The following ROBO2 variants were observed in gnomAD, a reference collection of about 807,000 sequenced individuals.
ROBO2 encodes the protein roundabout homolog 2.
In ROBO2, 53 loss-of-function variants were observed where a neutral mutation model predicts 160.8. The observed-to-expected ratio is 0.33, with a 90% CI of 0.26 to 0.41. The LOEUF (loss-of-function observed/expected upper bound fraction) is 0.41, where lower values mean the gene tolerates loss of function less well. ROBO2 is among the 10% of genes least tolerant of loss of function. The pLI is 1.00. For synonymous variants in ROBO2, 664 were observed against 611.7 expected, an observed-to-expected ratio of 1.09 and a Z score of -1.26; for missense variants, 1,577 against 1,722.4, an observed-to-expected ratio of 0.92 and a Z score of 1.49.
chr3:76,401,728 C>T (rs1396529250), intron 2 of ROBO2, among the ~76,000 whole-genome samples: 1 of 150,920 alleles, frequency 6.6e-6, no homozygotes, highest in African/African-American at 2.4e-5. Context: ...CAAACCTTTA[C>T]TCTGACAAGA....
intron 2 of ROBO2, among the ~76,000 whole-genome samples, chr3:76,836,474 TG>T (rs1374477886): frequency 3.3e-5 from 5 of 151,274 alleles, no homozygotes; most frequent in East Asian, 1.9e-4. Flanking sequence ...AAAAAGACTT[TG>T]GGGGGGCAGG....
chr3:76,612,714 A>T (rs1250627815), intron 2 of ROBO2, among the ~76,000 whole-genome samples: 1 of 152,194 alleles, frequency 6.6e-6, no homozygotes, highest in African/African-American at 2.4e-5. Context: ...AAGTAAAATT[A>T]AAAATAATAA....
At chr3:77,559,373 C>G (rs1480995343) in intron 9 of ROBO2, among the ~76,000 whole-genome samples, 1 of 152,132 alleles carries the variant, frequency 6.6e-6, no homozygotes, top group Admixed American at 6.6e-5. Context: ...ATGGTAAGTC[C>G]CTTCCTCCTA....
chr3:76,032,771 C>T lies in ROBO2; in HGVS notation c.109+95169C>T, dbSNP rs1028061923. Among the ~76,000 whole-genome samples the T allele has an allele frequency of 1.5e-4, 23 of 151,976 alleles. 1 individual carries two copies. Among genetic ancestry groups the T allele is most frequent in the Non-Finnish European group, 7.4e-5 (5 of 67,942 alleles). On this transcript the variant is annotated intron_variant, in intron 2 of 26. Transcript: ENST00000487694. ...TTACATTTGCTGAGGAGTAGTAGCA[C>T]TTCTTACATTTCTAATGTAAAAACT... is the stretch of plus-strand genomic sequence containing the variant.
At chr3:77,219,489 G>GTGTATATATATATATATAATCTGTATATA in intron 2 of ROBO2, among the ~76,000 whole-genome samples, 1 of 111,474 alleles carries the variant, frequency 9.0e-6, no homozygotes, top group African/African-American at 3.2e-5. Context: ...TATATAATCT[G>GTGTATATATATATATATAATCTGTATATA]TATATATATA....
At chr3:76,322,304 TTAC>T (rs538198711) in intron 2 of ROBO2, among the ~76,000 whole-genome samples, 270 of 151,258 alleles carry the variant, frequency 1.8e-3, no homozygotes, top group African/African-American at 6.0e-3. Flanking sequence ...TCTTTTATAA[TTAC>T]TACATTTCAC....
rs1046256188 is a variant in ROBO2 at position 76,465,343 on chromosome 3, A to G, written c.109+527741A>G. Reference sequence around the variant, plus strand: ...ATTTTATTATTTGACCAATTATAGAAGAAATATTGTAAATATGAAAAAATA... The same window carrying G: ...ATTTTATTATTTGACCAATTATAGAGGAAATATTGTAAATATGAAAAAATA... On this transcript the variant is annotated intron_variant, in intron 2 of 26. Coordinates refer to the ROBO2 transcript ENST00000487694. 5.3e-5 allele frequency among the ~76,000 whole-genome samples: 8 copies of G among 152,116 alleles called. 1 individual carries two copies. Among genetic ancestry groups the G allele is most frequent in the African/African-American group, 1.9e-4 (8 of 41,448 alleles).
intron 20 of ROBO2, among the ~76,000 whole-genome samples, 176 bp from the exon 22 acceptor site, chr3:77,607,622 C>T (rs2094550101): frequency 6.6e-6 from 1 of 152,064 alleles, no homozygotes. Context: ...AAAACAGTAT[C>T]ATTTTGAGTG....
chr3:76,608,441 G>A (rs895173559), intron 2 of ROBO2, among the ~76,000 whole-genome samples: 13 of 152,094 alleles, frequency 8.5e-5, no homozygotes, highest in East Asian at 3.9e-4. Flanking sequence ...CTCATGTTTC[G>A]CCATACACTC....
intron 2 of ROBO2, among the ~76,000 whole-genome samples, chr3:76,982,663 A>G (rs2060155546): frequency 6.6e-6 from 1 of 152,214 alleles, no homozygotes; most frequent in African/African-American, 2.4e-5. Context: ...AAATGAAAGA[A>G]TTATGGGGCA....
At chr3:77,268,050 GT>G (rs2059249837) in intron 2 of ROBO2, among the ~76,000 whole-genome samples, 1 of 152,132 alleles carries the variant, frequency 6.6e-6, no homozygotes, top group Admixed American at 6.6e-5. Flanking sequence ...TCCCTGCTGG[GT>G]ATTCACTGCA....
chr3:77,318,112 G>C (rs1400055530), intron 2 of ROBO2, among the ~76,000 whole-genome samples: 3 of 151,820 alleles, frequency 2.0e-5, no homozygotes, highest in Non-Finnish European at 4.4e-5. Flanking sequence ...TAGTGGCATA[G>C]TCTCGGCTCA....
At chr3:75,916,926 A>G (rs1946835566) in intron 1 of ROBO2, among the ~76,000 whole-genome samples, 1 of 152,106 alleles carries the variant, frequency 6.6e-6, no homozygotes, top group Non-Finnish European at 1.5e-5. Flanking sequence ...TATTTAACAT[A>G]TATTCACACT....
At chr3:76,170,041 A>G (rs1480150011) in intron 2 of ROBO2, among the ~76,000 whole-genome samples, 2 of 152,150 alleles carry the variant, frequency 1.3e-5, no homozygotes, top group Admixed American at 6.5e-5. Context: ...CAGCCTCCCA[A>G]CGTGCTGGGA....
intron 2 of ROBO2, among the ~76,000 whole-genome samples, chr3:77,240,787 C>T (rs1580302395): frequency 6.6e-6 from 1 of 152,318 alleles, no homozygotes; most frequent in Non-Finnish European, 1.5e-5. Context: ...TGAAAAGAAG[C>T]TGCTAATCTT....
chr3:76,366,857 C>A (rs2075838631), intron 2 of ROBO2, among the ~76,000 whole-genome samples: 1 of 151,824 alleles, frequency 6.6e-6, no homozygotes, highest in Admixed American at 6.6e-5. Context: ...CCCAAGATTG[C>A]TTTATATAGC....
At chr3:76,599,898 T>G (rs1044742327) in intron 2 of ROBO2, among the ~76,000 whole-genome samples, 21 of 152,206 alleles carry the variant, frequency 1.4e-4, no homozygotes, top group African/African-American at 4.3e-4. Context: ...TGGATTTTTT[T>G]GTTTTTTCTT....
intron 2 of ROBO2, among the ~76,000 whole-genome samples, chr3:76,072,384 G>A (rs2068490218): frequency 6.6e-6 from 1 of 152,004 alleles, no homozygotes; most frequent in Non-Finnish European, 1.5e-5. Flanking sequence ...GTTTCAAAAA[G>A]TAGCCAATGC....
chr3:75,914,383 C>G (rs1372395915), intron 1 of ROBO2, among the ~76,000 whole-genome samples: 2 of 152,126 alleles, frequency 1.3e-5, no homozygotes, highest in African/African-American at 4.8e-5. Context: ...TTTTTAAAAT[C>G]TTTGTTTTTC....
Sources: allele counts gnomAD v4.1 joint callset (sites outside exome capture counted in the v4.1 genomes callset), GRCh38; gene constraint gnomAD v4.1.1; transcripts MANE v1.5; gene names NCBI Gene and HGNC (gene_info 2026-07-23, HGNC 2026-07-21).